The following EIF3H variants were observed in gnomAD, a reference collection of about 807,000 sequenced individuals.
EIF3H encodes the protein eukaryotic translation initiation factor 3 subunit H.
In EIF3H, 26 loss-of-function variants were observed where a neutral mutation model predicts 44.2. The ratio of observed to expected loss-of-function variants is 0.59; its 90% CI spans 0.43 to 0.82. The LOEUF (loss-of-function observed/expected upper bound fraction) is 0.82. Among genes scored for constraint, EIF3H ranks in the 40% least tolerant of loss-of-function variants. EIF3H has a pLI of 0.00. For synonymous variants in EIF3H, 166 were observed against 151.9 expected (o/e 1.09, Z -0.68); for missense variants, 359 against 432.8 (o/e 0.83, Z 1.51).
At chr8:116,698,912 C>G (rs1814319485) in intron 2 of EIF3H, among the ~76,000 whole-genome samples, 1 of 152,042 alleles carries the variant, frequency 6.6e-6, no homozygotes, top group South Asian at 2.1e-4. Flanking sequence ...CTTTGGGAGG[C>G]CAAGACAGGC....
intron 1 of EIF3H, among the ~76,000 whole-genome samples, chr8:116,736,925 T>A (rs890292755): frequency 1.3e-5 from 2 of 152,170 alleles, no homozygotes; most frequent in East Asian, 3.8e-4. Flanking sequence ...AAAAATAAAT[T>A]AAATTGTATT....
At chr8:116,734,298 CT>C (rs1389120520) in intron 1 of EIF3H, 2 of 455,990 alleles carry the variant, frequency 4.4e-6, no homozygotes, top group Middle Eastern at 6.5e-4. Context: ...CCAGGAAGGG[CT>C]TCTGAGAGGA....
At chr8:116,676,216 C>T (rs778518917) in intron 2 of EIF3H, among the ~76,000 whole-genome samples, 2 of 152,196 alleles carry the variant, frequency 1.3e-5, no homozygotes, top group African/African-American at 2.4e-5. Flanking sequence ...TGTTACAATA[C>T]TATTTACTAA....
Position 116,655,773 on chromosome 8 carries a change from T to C in EIF3H, c.707+83A>G, listed in dbSNP as rs924965913. The stretch of plus-strand genomic sequence containing the variant: ...AAACGTTCTTAAGTAACTGTTTTCT[T>C]GTTTCACAGGTAAAGTTTATGTGAA... On this transcript the variant is annotated intron_variant, in intron 5 of 7. Coordinates refer to ENST00000521861, the MANE Select transcript of EIF3H (RefSeq NM_003756.3). 7 of 1,412,938 alleles carry C rather than the reference T, an allele frequency of 5.0e-6. No individual in the cohort carries two copies. The Admixed American group carries it at 1.2e-4, about 23-fold the overall frequency. 87.5% of individuals were successfully genotyped at this position (1,412,938 alleles called of 1,614,324 possible).
Position 116,657,364 on chromosome 8 carries a change from G to T in EIF3H, c.458-50C>A. The T allele has an allele frequency of 2.2e-6, 3 of 1,361,102 alleles. No individual in the cohort carries two copies. In the African/African-American group the frequency reaches 4.3e-5, roughly 19 times the overall value. The allele number at this position is 1,361,102 out of a possible 1,614,324, so 84.3% of individuals were successfully genotyped here. ...TTACTAAGAATTTTGTCACTGCCAGGCTTGAATGGCATTGGTTCTAGGCAC... is the reference window on the plus strand; with the variant it reads ...TTACTAAGAATTTTGTCACTGCCAGTCTTGAATGGCATTGGTTCTAGGCAC... On this transcript the variant is annotated intron_variant, in intron 3 of 7. Coordinates refer to ENST00000521861, the MANE Select transcript of EIF3H (RefSeq NM_003756.3).
At position 116,709,086 on chromosome 8, in the gene EIF3H, G is replaced by A. The variant is rs144772566; in HGVS notation, c.289+16930C>T. Among the ~76,000 whole-genome samples, 72 of 151,892 alleles carry A rather than the reference G, an allele frequency of 4.7e-4. 1 individual carries two copies. The highest frequency in any genetic ancestry group is 1.7e-3 in the African/African-American group (72 of 41,338). On this transcript the variant is annotated intron_variant, in intron 2 of 7. Transcript: ENST00000521861. ...AAACCTTAGCAATTTAAATAGACAA[G>A]CCTTGAAATAATACTGTGATCAAAG... is the stretch of plus-strand genomic sequence containing the variant.
At position 116,666,753 on chromosome 8, in the gene EIF3H, C is replaced by CA. The variant is rs56700266; in HGVS notation, c.290-7774dup. Among the ~76,000 whole-genome samples the CA allele has an allele frequency of 3.9e-3, 275 of 71,374 alleles. 19 individuals carry two copies. Among genetic ancestry groups the CA allele is most frequent in the Middle Eastern group, 0.036 (2 of 56 alleles). 46.8% of individuals were successfully genotyped at this position (71,374 alleles called of 152,430 possible). ...CCAAATGAGAATCTTTAGTGTTAGGCAAAAAAAAAAAAAAAAAAAAAAATT... is the reference window on the plus strand; with the variant it reads ...CCAAATGAGAATCTTTAGTGTTAGGCAAAAAAAAAAAAAAAAAAAAAAAATT... On this transcript the variant is annotated intron_variant, in intron 2 of 7. Coordinates refer to ENST00000521861, the MANE Select transcript of EIF3H (RefSeq NM_003756.3).
chr8:116,689,261 A>C (rs1394662893), intron 2 of EIF3H: 14 of 285,488 alleles, frequency 4.9e-5, no homozygotes, highest in South Asian at 4.0e-4. Context: ...ATTTGAGGAT[A>C]CCAGAGACTG....
intron 2 of EIF3H, among the ~76,000 whole-genome samples, chr8:116,707,524 T>C (rs1371540095): frequency 6.6e-6 from 1 of 150,736 alleles, no homozygotes; most frequent in Non-Finnish European, 1.5e-5. Flanking sequence ...GGTATTAAAG[T>C]TATTTGATAA....
intron 1 of EIF3H, among the ~76,000 whole-genome samples, chr8:116,763,492 A>G (rs1815539737): frequency 6.6e-6 from 1 of 152,210 alleles, no homozygotes; most frequent in South Asian, 2.1e-4. Context: ...TTATTTTAAA[A>G]AGTGACAGCC....
rs572653114 is a variant in EIF3H, at chr8:116,724,862, T to TA, written c.289+1153dup. 9.2e-5 allele frequency among the ~76,000 whole-genome samples: 14 copies of TA among 152,002 alleles called. No individual in the cohort carries two copies. In the South Asian group the frequency reaches 2.1e-3, roughly 23 times the overall value. ...AAATGTAAAATGGTGCAGCTGCTATTAAAAAAAACATACAGAAGTTCCTCA... is the reference window on the plus strand; with the variant it reads ...AAATGTAAAATGGTGCAGCTGCTATTAAAAAAAAACATACAGAAGTTCCTCA... On this transcript the variant is annotated intron_variant, in intron 2 of 7. Transcript: ENST00000521861.
chr8:116,679,234 G>GC (rs1237653361), intron 2 of EIF3H, among the ~76,000 whole-genome samples: 2 of 62,738 alleles, frequency 3.2e-5, no homozygotes, highest in African/African-American at 1.1e-4. Context: ...CTGCCCGGCC[G>GC]CCCCTACTGG....
At chr8:116,653,371 A>ACACACACACACACAC (rs59686939) in intron 5 of EIF3H, among the ~76,000 whole-genome samples, 8 of 151,832 alleles carry the variant, frequency 5.3e-5, no homozygotes, top group South Asian at 2.1e-4. Flanking sequence ...ACACACACAC[A>ACACACACACACACAC]ATCTGTGTAC....
At chr8:116,693,431 AAC>A (rs1172800842) in intron 2 of EIF3H, among the ~76,000 whole-genome samples, 1 of 152,190 alleles carries the variant, frequency 6.6e-6, no homozygotes, top group Non-Finnish European at 1.5e-5. Flanking sequence ...CAAATAGAGA[AAC>A]ACACTGCTGC....
upstream of EIF3H, among the ~76,000 whole-genome samples, chr8:116,758,517 C>T (rs1815483452): frequency 6.6e-6 from 1 of 152,150 alleles, no homozygotes; most frequent in Non-Finnish European, 1.5e-5. Context: ...ATCAAATCAG[C>T]ATTTATGGAA....
At chr8:116,710,037 C>A (rs73324072) in intron 2 of EIF3H, among the ~76,000 whole-genome samples, 18 of 152,320 alleles carry the variant, frequency 1.2e-4, no homozygotes, top group African/African-American at 4.3e-4. Flanking sequence ...AGCGTTCACA[C>A]AGATTCCTTA....
intron 2 of EIF3H, among the ~76,000 whole-genome samples, chr8:116,710,621 C>T (rs947087979): frequency 5.9e-5 from 9 of 152,174 alleles, no homozygotes; most frequent in Non-Finnish European, 1.3e-4. Flanking sequence ...CAAGAAGCAG[C>T]CTTTTAAGTA....
At position 116,642,819 on chromosome 8, in the gene EIF3H, T is replaced by C. The variant is rs1332514564; in HGVS notation, c.*2187A>G. The C allele has an allele frequency of 2.0e-5, 3 of 152,240 alleles. No individual in the cohort carries two copies. Among genetic ancestry groups the C allele is most frequent in the African/African-American group, 7.2e-5 (3 of 41,470 alleles). 9.4% of individuals were successfully genotyped at this position (152,240 alleles called of 1,614,324 possible). A position where few individuals can be genotyped will look rare whatever the true frequency, so the allele number is the denominator to read the frequency against. On this transcript the variant is annotated 3_prime_UTR_variant, in exon 8 of 8. Transcript: ENST00000521861. ...AACACTACATACTGTGGCGAGTTAA[T>C]TTCCACTGACATGTTTTCCTAAACA...
chr8:116,666,397 G>T (rs1446195720), intron 2 of EIF3H, among the ~76,000 whole-genome samples: 1 of 151,956 alleles, frequency 6.6e-6, no homozygotes, highest in Non-Finnish European at 1.5e-5. Context: ...AAATAAATTG[G>T]ATTCTTCACA....
Sources: gnomAD v4.1 joint callset for allele counts (sites outside exome capture counted in the v4.1 genomes callset) on GRCh38, gnomAD v4.1.1 for gene constraint, MANE v1.5 for transcripts, NCBI Gene and HGNC (gene_info 2026-07-23, HGNC 2026-07-21) for gene names.